The following SORBS2 variants were observed in gnomAD, a reference collection of about 807,000 sequenced individuals.
SORBS2 encodes the protein sorbin and SH3 domain containing 2, also known as sorbin and SH3 domain-containing protein 2.
In SORBS2, 46 loss-of-function variants were observed where a neutral mutation model predicts 97.7. The observed-to-expected ratio is 0.47, with a 90% CI of 0.37 to 0.60. The LOEUF is 0.60. Ranked by LOEUF, SORBS2 falls within the 20% of genes least tolerant of loss-of-function variation. The pLI is 0.00. For synonymous variants in SORBS2, 476 were observed against 473.4 expected (o/e 1.01, Z -0.07); for missense variants, 1,316 against 1,282.3 (o/e 1.03, Z -0.40).
chr4:185,864,639 G>A (rs1424066395), intron 1 of SORBS2, among the ~76,000 whole-genome samples: 2 of 152,132 alleles, frequency 1.3e-5, no homozygotes, highest in East Asian at 1.9e-4. Context: ...GGCCGGGTGC[G>A]GTGGCTCACG....
At chr4:185,622,205 T>C (rs993154176) in intron 7 of SORBS2, among the ~76,000 whole-genome samples, 4 of 152,246 alleles carry the variant, frequency 2.6e-5, no homozygotes, top group African/African-American at 9.6e-5. Flanking sequence ...GAGTCACTGT[T>C]AGCCTGAATA....
intron 1 of SORBS2, among the ~76,000 whole-genome samples, chr4:185,895,539 G>A (rs931427817): frequency 5.3e-5 from 8 of 152,236 alleles, no homozygotes; most frequent in East Asian, 1.9e-4. Context: ...ACCTGGTGCT[G>A]CATGGCAGTG....
At chr4:185,701,254 C>T (rs879938628) in intron 2 of SORBS2, among the ~76,000 whole-genome samples, 8 of 152,196 alleles carry the variant, frequency 5.3e-5, no homozygotes, top group Non-Finnish European at 1.0e-4. Flanking sequence ...CCCAACTACA[C>T]GAACTCTTTC....
chr4:185,951,069 A>G (rs1174652854), intron 1 of SORBS2, among the ~76,000 whole-genome samples: 1 of 152,168 alleles, frequency 6.6e-6, no homozygotes, highest in African/African-American at 2.4e-5. Context: ...ATGACATCAT[A>G]CTCAACAAAA....
At chr4:185,745,272 T>C (rs1320171651) in intron 2 of SORBS2, among the ~76,000 whole-genome samples, 1 of 152,056 alleles carries the variant, frequency 6.6e-6, no homozygotes, top group Non-Finnish European at 1.5e-5. Context: ...ATGCCGGTGG[T>C]AGGGGAGCAC....
At chr4:185,828,750 G>T (rs912355340) in intron 1 of SORBS2, among the ~76,000 whole-genome samples, 2 of 151,974 alleles carry the variant, frequency 1.3e-5, no homozygotes, top group African/African-American at 4.8e-5. Context: ...CCCCTCTACT[G>T]CCATTCCTTT....
At position 185,643,586 on chromosome 4, in the gene SORBS2, G is replaced by C. The variant is rs1343140400; in HGVS notation, c.396+3082C>G. On this transcript the variant is annotated intron_variant, in intron 4 of 14. Transcript: ENST00000418609. The stretch of plus-strand genomic sequence containing the variant: ...TCAGGTGGCTGTCACTGTAGCCCAG[G>C]CACGGACAATTGTGGGCCAGAAGAG... Among the ~76,000 whole-genome samples, 4 of 152,148 alleles carry C rather than the reference G, an allele frequency of 2.6e-5. No individual in the cohort carries two copies. The East Asian group carries it at 7.7e-4, about 29-fold the overall frequency.
chr4:185,920,568 C>T (rs189434193), intron 1 of SORBS2, among the ~76,000 whole-genome samples: 2,903 of 152,218 alleles, frequency 0.019, 27 homozygotes, highest in South Asian at 0.04. Context: ...CAGAATAGAG[C>T]TTGTATGCCT....
At chr4:185,678,436 C>G in exon 4 of SORBS2, 4 of 1,550,108 alleles carry the variant, frequency 2.6e-6, no homozygotes, top group Non-Finnish European at 3.5e-6. Context: ...AGTTGGTGAT[C>G]TTTTATCTTG....
chr4:185,799,840 C>T (rs1646171649), intron 1 of SORBS2, among the ~76,000 whole-genome samples: 1 of 152,146 alleles, frequency 6.6e-6, no homozygotes, highest in Non-Finnish European at 1.5e-5. Flanking sequence ...GGGTTTCGTA[C>T]CTCGGCTTAC....
intron 1 of SORBS2, among the ~76,000 whole-genome samples, chr4:185,833,267 T>C (rs535348406): frequency 6.6e-6 from 1 of 152,358 alleles, no homozygotes; most frequent in African/African-American, 2.4e-5. Flanking sequence ...GATAAGTAAC[T>C]GATCAGCTTA....
intron 2 of SORBS2, among the ~76,000 whole-genome samples, chr4:185,718,346 C>T (rs570363485): frequency 3.3e-5 from 5 of 152,226 alleles, no homozygotes; most frequent in Admixed American, 6.5e-5. Context: ...AACATTATTT[C>T]GTTGTGCTCT....
At chr4:185,608,488 A>C (rs1474627848) in intron 12 of SORBS2, among the ~76,000 whole-genome samples, 1 of 136,856 alleles carries the variant, frequency 7.3e-6, no homozygotes, top group Non-Finnish European at 1.5e-5. Context: ...TGAGTTATGA[A>C]GCTTAATCTT....
intron 1 of SORBS2, among the ~76,000 whole-genome samples, chr4:185,779,023 G>A (rs1196338045): frequency 6.6e-6 from 1 of 152,230 alleles, no homozygotes; most frequent in African/African-American, 2.4e-5. Flanking sequence ...AGCGTTGTGT[G>A]TTTCACAGAG....
At chr4:185,784,307 A>AT (rs1163198042) in intron 1 of SORBS2, among the ~76,000 whole-genome samples, 1 of 151,876 alleles carries the variant, frequency 6.6e-6, no homozygotes, top group African/African-American at 2.4e-5. Context: ...AATTTTTTGT[A>AT]TTTTAGTAGA....
chr4:185,616,039 AATT>A (rs2096621083), intron 9 of SORBS2, among the ~76,000 whole-genome samples: 1 of 152,194 alleles, frequency 6.6e-6, no homozygotes, highest in Non-Finnish European at 1.5e-5. Flanking sequence ...TTGCCTCCGC[AATT>A]ATTCTTGGAT....
chr4:185,631,596 C>G (rs2096907313), intron 4 of SORBS2, among the ~76,000 whole-genome samples: 1 of 152,036 alleles, frequency 6.6e-6, no homozygotes, highest in Non-Finnish European at 1.5e-5. Flanking sequence ...AACCCTGTCT[C>G]TACTAAATAT....
At chr4:185,902,142 C>T (rs2099248108) in intron 1 of SORBS2, among the ~76,000 whole-genome samples, 1 of 152,174 alleles carries the variant, frequency 6.6e-6, no homozygotes, top group Admixed American at 6.5e-5. Flanking sequence ...TAGTATACTT[C>T]TATCCATTCT....
At chr4:185,608,639 T>C (rs2096478518) in intron 12 of SORBS2, among the ~76,000 whole-genome samples, 1 of 152,208 alleles carries the variant, frequency 6.6e-6, no homozygotes, top group African/African-American at 2.4e-5. Context: ...TATGTACCCA[T>C]AAAAATTAGA....
Sources: gnomAD v4.1 joint callset for allele counts (sites outside exome capture counted in the v4.1 genomes callset) on GRCh38, gnomAD v4.1.1 for gene constraint, MANE v1.5 for transcripts, NCBI Gene and HGNC (gene_info 2026-07-23, HGNC 2026-07-21) for gene names.